KRT38: variants seen among roughly 807,000 people sequenced by gnomAD.
KRT38 encodes keratin 38.
A neutral mutation model predicts 43.1 loss-of-function variants in KRT38; 45 were observed. The observed-to-expected ratio is 1.04, with a 90% confidence interval of 0.82 to 1.34. The LOEUF (loss-of-function observed/expected upper bound fraction) is 1.34, where lower values mean the gene tolerates loss of function less well. KRT38 is among the 40% of genes most tolerant of loss of function. The probability of loss-of-function intolerance (pLI) is 0.00; values close to 1 mark genes in which losing one functional copy is unlikely to be tolerated. For synonymous variants in KRT38, 258 were observed against 244.0 expected, an observed-to-expected ratio of 1.06 and a Z score of -0.53; for missense variants, 627 against 586.2, an observed-to-expected ratio of 1.07 and a Z score of -0.72.
At chr17:41,438,009 A>G (rs1390901650) in intron 6 of KRT38, 84 bp downstream of exon 6, 1 of 1,357,222 alleles carries the variant, frequency 7.4e-7, no homozygotes, top group Non-Finnish European at 1.0e-6. Context: ...CTCATTCTAC[A>G]TAGAGACAGC....
At chr17:41,438,440 T>C in intron 5 of KRT38, 51 bp downstream of exon 5, 1 of 1,613,468 alleles carries the variant, frequency 6.2e-7, no homozygotes. Flanking sequence ...AAAATGCTAC[T>C]AGGCCATGGC....
rs555341691 is a variant in KRT38, at chr17:41,439,320, T to C, written c.615A>G (p.Ala205=). 872 of 1,613,496 alleles carry C rather than the reference T, an allele frequency of 5.4e-4. 3 individuals are homozygous for C. The highest frequency in any genetic ancestry group is 1.5e-4 in the South Asian group (14 of 91,014). ...GGAGCTTCTGTGTCCCACACTTGTC[T>C]GCCTCCACCAGCTGGCGCAGGGAGC... The part of the protein sequence containing the change: ...SERSLRQLVE[A]DKCGTQKLLD... The change falls in exon 3 of 7, where the codon GCA becomes GCG. Residue 205 remains alanine (A), a synonymous_variant. Transcript: ENST00000246646.
rs969038330 is a variant in KRT38, at chr17:41,437,196, G to C, written c.*216C>G. The C allele has an allele frequency of 2.4e-6, 1 of 425,442 alleles. No individual in the cohort carries two copies. Among genetic ancestry groups the C allele is most frequent in the Non-Finnish European group, 4.0e-6 (1 of 250,246 alleles). 26.4% of individuals were successfully genotyped at this position (425,442 alleles called of 1,614,324 possible). A position where few individuals can be genotyped will look rare whatever the true frequency, so the allele number is the denominator to read the frequency against. ...CAGATATTCTGAGCCACCATGGGTG[G>C]CTGCAATCCAGCCACTGAGGGCATA... On this transcript the variant is annotated 3_prime_UTR_variant, in exon 7 of 7. Transcript: ENST00000246646.
At chr17:41,439,525 A>G (rs2018771884) in intron 2 of KRT38, among the ~76,000 whole-genome samples, 166 bp from the exon 3 acceptor site, 1 of 152,230 alleles carries the variant, frequency 6.6e-6, no homozygotes, top group African/African-American at 2.4e-5. Context: ...CAAAGAGCTC[A>G]TGGTCTAATG....
In KRT38 at chr17:41,438,954, G is replaced by A; in HGVS notation, c.733-96C>T. On this transcript the variant is annotated intron_variant, in intron 3 of 6. Transcript: ENST00000246646. ...ACCCCGCCCCTGGCAAGCAGTAGGA[G>A]GGGAGTCCCACACACAAGCAAATGG... The A allele has an allele frequency of 4.8e-6, 7 of 1,457,382 alleles. No individual in the cohort carries two copies. The South Asian group carries it at 7.6e-5, about 16-fold the overall frequency. 90.3% of individuals were successfully genotyped at this position (1,457,382 alleles called of 1,614,324 possible). A position where few individuals can be genotyped will look rare whatever the true frequency, so the allele number is the denominator to read the frequency against.
chr17:41,440,303 C>A, intron 1 of KRT38, 60 bp from the exon 2 acceptor site: 2 of 1,606,216 alleles, frequency 1.2e-6, no homozygotes, highest in Non-Finnish European at 1.7e-6. Flanking sequence ...TCCTTCTCCA[C>A]GTGTGGTGTC....
chr17:41,439,371 G>A lies in KRT38; in HGVS notation c.576-12C>T, dbSNP rs375946864. 5 of 1,612,810 alleles carry A rather than the reference G, an allele frequency of 3.1e-6. No individual in the cohort carries two copies. The African/African-American group carries it at 5.3e-5, about 17-fold the overall frequency. ...GCTCACTCTCCAGCCTTTCATCACA[G>A]GAGGTACAGGGTCAAAAAGAATGCC... On this transcript the variant is annotated splice_polypyrimidine_tract_variant and intron_variant, in intron 2 of 6. Coordinates refer to ENST00000246646, the MANE Select transcript of KRT38 (RefSeq NM_006771.4).
In KRT38 at chr17:41,437,322, A is replaced by T; in HGVS notation, c.*90T>A. 7.3e-7 allele frequency: 1 copy of T among 1,375,074 alleles called. No individual in the cohort carries two copies. Among genetic ancestry groups the T allele is most frequent in the South Asian group, 1.7e-5 (1 of 58,410 alleles). The allele number at this position is 1,375,074 out of a possible 1,614,324, so 85.2% of individuals were successfully genotyped here. A position where few individuals can be genotyped will look rare whatever the true frequency, so the allele number is the denominator to read the frequency against. ...CCTTTGGACAGGCCTATACATACAG[A>T]AAGTTAGAAGCCAGATTTTCTAAAG... On this transcript the variant is annotated 3_prime_UTR_variant, in exon 7 of 7. Coordinates refer to ENST00000246646, the MANE Select transcript of KRT38 (RefSeq NM_006771.4).
At position 41,440,255 on chromosome 17, in the gene KRT38, A is replaced by C; in HGVS notation, c.493-12T>G. ...TTGCTGCACAGGATCTGAGGAGAAC[A>C]GGAAGACAGTTCACACACAAAGCAT... On this transcript the variant is annotated splice_polypyrimidine_tract_variant and intron_variant, in intron 1 of 6. Transcript: ENST00000246646. The C allele has an allele frequency of 6.2e-7, 1 of 1,613,900 alleles. No individual in the cohort carries two copies.
rs533834274 is a variant in KRT38 at position 41,438,957 on chromosome 17, G to A, written c.733-99C>T. 26 of 1,440,284 alleles carry A rather than the reference G, an allele frequency of 1.8e-5. No homozygotes were observed. In the East Asian group the frequency reaches 4.3e-4, roughly 24 times the overall value. 89.2% of individuals were successfully genotyped at this position (1,440,284 alleles called of 1,614,324 possible). On this transcript the variant is annotated intron_variant, in intron 3 of 6. Coordinates refer to ENST00000246646, the MANE Select transcript of KRT38 (RefSeq NM_006771.4). ...CCGCCCCTGGCAAGCAGTAGGAGGG[G>A]AGTCCCACACACAAGCAAATGGGAA...
Position 41,436,686 on chromosome 17 carries a change from G to A in KRT38, c.*726C>T, listed in dbSNP as rs951894188. 1 of 152,224 alleles carries A rather than the reference G, an allele frequency of 6.6e-6. No individual in the cohort carries two copies. Among genetic ancestry groups the A allele is most frequent in the Admixed American group, 6.5e-5 (1 of 15,284 alleles). 9.4% of individuals were successfully genotyped at this position (152,224 alleles called of 1,614,324 possible). A position where few individuals can be genotyped will look rare whatever the true frequency, so the allele number is the denominator to read the frequency against. ...GGGGTTATAGCCAGACAAGTCTGGA[G>A]AGTCAGAATTTATAGAGAAAAAAGA... is the stretch of plus-strand genomic sequence containing the variant. On this transcript the variant is annotated 3_prime_UTR_variant, in exon 7 of 7. Transcript: ENST00000246646.
chr17:41,440,027 G>A (rs988102738), intron 2 of KRT38, 134 bp downstream of exon 2: 30 of 723,224 alleles, frequency 4.1e-5, no homozygotes, highest in Non-Finnish European at 6.3e-5. Flanking sequence ...CATCAGCTTC[G>A]ATTGTAATGA....
chr17:41,438,968 A>C, intron 3 of KRT38, 110 bp from the exon 4 acceptor site: 2 of 1,377,478 alleles, frequency 1.5e-6, no homozygotes, highest in Non-Finnish European at 2.0e-6. Flanking sequence ...AGTCCCACAC[A>C]CAAGCAAATG....
chr17:41,440,048 G>A lies in KRT38; in HGVS notation c.575+113C>T, dbSNP rs1421847432. 9.1e-6 allele frequency: 8 copies of A among 879,520 alleles called. No homozygotes were observed. In the Middle Eastern group the frequency reaches 1.1e-3, roughly 116 times the overall value. The allele number at this position is 879,520 out of a possible 1,614,324, so 54.5% of individuals were successfully genotyped here. On this transcript the variant is annotated intron_variant, in intron 2 of 6. Transcript: ENST00000246646. ...CTTCGATTGTAATGAAAATTTTACT[G>A]TAGAGAATCTAGCAAGGAAGAAATG...
chr17:41,438,953 A>G, intron 3 of KRT38, 95 bp from the exon 4 acceptor site: 1 of 1,458,150 alleles, frequency 6.9e-7, no homozygotes, highest in Non-Finnish European at 9.4e-7. Context: ...AAGCAGTAGG[A>G]GGGGAGTCCC....
At chr17:41,439,926 T>G (rs1410464527) in intron 2 of KRT38, among the ~76,000 whole-genome samples, 3 of 152,228 alleles carry the variant, frequency 2.0e-5, no homozygotes, top group Non-Finnish European at 4.4e-5. Context: ...GTTAATGAAC[T>G]CAGGCTGCCT....
chr17:41,438,955 G>A (rs2144419739), intron 3 of KRT38, 97 bp from the exon 4 acceptor site: 2 of 1,454,886 alleles, frequency 1.4e-6, no homozygotes, highest in Non-Finnish European at 1.9e-6. Flanking sequence ...GCAGTAGGAG[G>A]GGAGTCCCAC....
chr17:41,437,559 G>C lies in KRT38; in HGVS notation c.1242-18C>G. On this transcript the variant is annotated intron_variant, in intron 6 of 6. Transcript: ENST00000246646. The stretch of plus-strand genomic sequence containing the variant: ...AGGGGAGTCTGCAGAGAGACAAGGT[G>C]AGGGAAGTGAGAGGCAAGAAATGAA... 1 of 1,552,532 alleles carries C rather than the reference G, an allele frequency of 6.4e-7. No homozygotes were observed. The highest frequency in any genetic ancestry group is 8.6e-7 in the Non-Finnish European group (1 of 1,158,608).
intron 2 of KRT38, among the ~76,000 whole-genome samples, chr17:41,439,793 C>T (rs1269385465): frequency 1.3e-5 from 2 of 152,090 alleles, no homozygotes; most frequent in East Asian, 3.9e-4. Flanking sequence ...ATACCTGGTA[C>T]CTTAGGGCTC....
Sources: allele counts gnomAD v4.1 joint callset (sites outside exome capture counted in the v4.1 genomes callset), GRCh38; gene constraint gnomAD v4.1.1; transcripts MANE v1.5; gene names NCBI Gene and HGNC (gene_info 2026-07-23, HGNC 2026-07-21).